Variants in PIK3AP1 observed in about 807,000 individuals in gnomAD.
PIK3AP1 encodes the protein phosphoinositide 3-kinase adapter protein 1.
Under a neutral mutation model 88.1 loss-of-function variants are expected in PIK3AP1, and 21 were observed. The observed-to-expected ratio is 0.24, with a 90% CI of 0.17 to 0.34. The LOEUF (loss-of-function observed/expected upper bound fraction) is 0.34. PIK3AP1 is among the 10% of genes least tolerant of loss of function. The pLI, the probability that PIK3AP1 is intolerant of heterozygous loss-of-function variation, is 1.00. For synonymous variants in PIK3AP1, 398 were observed against 400.0 expected, an observed-to-expected ratio of 1.00 and a Z score of 0.06; for missense variants, 828 against 1,035.7, an observed-to-expected ratio of 0.80 and a Z score of 2.75.
At chr10:96,635,961 A>C (rs1221635722) in intron 8 of PIK3AP1, among the ~76,000 whole-genome samples, 2 of 151,932 alleles carry the variant, frequency 1.3e-5, no homozygotes, top group Non-Finnish European at 2.9e-5. Context: ...TAATCCCAGC[A>C]CTTTGGGAGG....
chr10:96,693,655 C>T (rs1179022476), intron 2 of PIK3AP1, among the ~76,000 whole-genome samples: 1 of 152,208 alleles, frequency 6.6e-6, no homozygotes, highest in Non-Finnish European at 1.5e-5. Context: ...CAACTAAAGC[C>T]ACCAGATCTT....
At chr10:96,651,115 T>C in intron 6 of PIK3AP1, 133 bp downstream of exon 6, 1 of 1,199,762 alleles carries the variant, frequency 8.3e-7, no homozygotes, top group Non-Finnish European at 1.2e-6. Flanking sequence ...TGAGTCCTTA[T>C]CACAGGATAG....
At chr10:96,671,997 C>T (rs1843853525) in intron 2 of PIK3AP1, among the ~76,000 whole-genome samples, 1 of 152,064 alleles carries the variant, frequency 6.6e-6, no homozygotes, top group Non-Finnish European at 1.5e-5. Flanking sequence ...CATGATTGTG[C>T]CACTGCACTC....
At chr10:96,715,816 G>A (rs1844494394) in intron 1 of PIK3AP1, among the ~76,000 whole-genome samples, 1 of 151,744 alleles carries the variant, frequency 6.6e-6, no homozygotes, top group South Asian at 2.1e-4. Flanking sequence ...CATGAACCCG[G>A]GAGGCGGAGC....
intron 16 of PIK3AP1, among the ~76,000 whole-genome samples, chr10:96,598,045 T>TTG (rs1462879567): frequency 8.5e-3 from 98 of 11,510 alleles, no homozygotes; most frequent in African/African-American, 0.014. Context: ...TTTTTTGTTG[T>TTG]TTTTTTTTTT....
At chr10:96,663,613 G>A (rs1843722547) in intron 2 of PIK3AP1, among the ~76,000 whole-genome samples, 2 of 110,906 alleles carry the variant, frequency 1.8e-5, no homozygotes, top group South Asian at 6.5e-4. Flanking sequence ...CTGGGCAACA[G>A]AGTGAGACTC....
chr10:96,633,020 GAC>G, intron 8 of PIK3AP1: 6 of 1,612,366 alleles, frequency 3.7e-6, no homozygotes, highest in Non-Finnish European at 5.1e-6. Flanking sequence ...GATGCAAAGA[GAC>G]AAGATCCATA....
intron 2 of PIK3AP1, among the ~76,000 whole-genome samples, chr10:96,659,312 T>C (rs1843655305): frequency 6.6e-6 from 1 of 152,188 alleles, no homozygotes; most frequent in African/African-American, 2.4e-5. Flanking sequence ...CAGAATTTTT[T>C]AGATACTATT....
At chr10:96,706,453 T>C (rs900567481) in intron 2 of PIK3AP1, among the ~76,000 whole-genome samples, 1 of 149,976 alleles carries the variant, frequency 6.7e-6, no homozygotes, top group Non-Finnish European at 1.5e-5. Context: ...GTAGGGAGAG[T>C]ACTGTCTTTA....
At chr10:96,664,008 C>G (rs1843728859) in intron 2 of PIK3AP1, among the ~76,000 whole-genome samples, 1 of 152,186 alleles carries the variant, frequency 6.6e-6, no homozygotes, top group Non-Finnish European at 1.5e-5. Context: ...GAAGTACAAA[C>G]TGCACAATCT....
intron 8 of PIK3AP1, among the ~76,000 whole-genome samples, chr10:96,629,908 C>G (rs1210286433): frequency 2.6e-3 from 1 of 386 alleles, no homozygotes; most frequent in African/African-American, 3.3e-3. Context: ...ACAACAACAA[C>G]CAAAAAAAAA....
At chr10:96,711,591 TTAGGCAAGACC>T (rs1316281112) in intron 1 of PIK3AP1, among the ~76,000 whole-genome samples, 3 of 152,190 alleles carry the variant, frequency 2.0e-5, no homozygotes, top group Non-Finnish European at 4.4e-5. Flanking sequence ...GAGGCAGGAC[TTAGGCAAGACC>T]TAGAGGCTCT....
chr10:96,705,843 G>A (rs979953275), intron 2 of PIK3AP1, among the ~76,000 whole-genome samples: 14 of 145,322 alleles, frequency 9.6e-5, no homozygotes, highest in Admixed American at 2.1e-4. Context: ...GCCTCCCAAA[G>A]TGCTGGGATT....
chr10:96,720,097 G>T lies in PIK3AP1; in HGVS notation c.13+285C>A, dbSNP rs1004637604. On this transcript the variant is annotated intron_variant, in intron 1 of 16. Transcript: ENST00000339364. The surrounding 1 kb of genome is among the most constrained non-coding windows in gnomAD (Gnocchi z 4.6). The stretch of plus-strand genomic sequence containing the variant: ...GGAGGGACAGGGGAAGCGACGCTCA[G>T]ACACTCCTAGGGCCAGAGGTGGAGG... Among the ~76,000 whole-genome samples the T allele has an allele frequency of 1.3e-5, 2 of 152,178 alleles. No homozygotes were observed. Among genetic ancestry groups the T allele is most frequent in the African/African-American group, 2.4e-5 (1 of 41,452 alleles).
chr10:96,648,813 G>A lies in PIK3AP1; in HGVS notation c.1031C>T (p.Ala344Val), dbSNP rs776888722. The A allele has an allele frequency of 1.3e-5, 21 of 1,595,444 alleles. No homozygotes were observed. The highest frequency in any genetic ancestry group is 2.7e-5 in the African/African-American group (2 of 73,822). Residue 344 changes from alanine to valine, a missense_variant, in exon 7 of 17, where the codon GCG (alanine) becomes GTG (valine). Ala to Val is a moderately conservative substitution (Grantham distance 64, BLOSUM62 0). Coordinates refer to ENST00000339364, the MANE Select transcript of PIK3AP1 (RefSeq NM_152309.3). ...AGTGAGGTTCTTCAGTCCATACTTC[G>A]CAGCAAAATGCAACAGGGTGGGCAG... Reference protein sequence around the residue: ...EELPTLLHFAAKYGLKNLTAL... With the variant: ...EELPTLLHFAVKYGLKNLTAL...
chr10:96,615,395 G>A (rs1849198889), intron 13 of PIK3AP1, among the ~76,000 whole-genome samples: 1 of 152,176 alleles, frequency 6.6e-6, no homozygotes, highest in Admixed American at 6.5e-5. Flanking sequence ...AGGGGCAAGA[G>A]TGAACATGGG....
In PIK3AP1 at chr10:96,616,627, G is replaced by A; in HGVS notation, c.2014+12C>T. ...TGTCCCACACAATGCAGCACCCTAG[G>A]AAGCCACATACCTGTCTGCTTTCCT... On this transcript the variant is annotated intron_variant, in intron 13 of 16. Transcript: ENST00000339364. The A allele has an allele frequency of 6.2e-7, 1 of 1,613,402 alleles. No individual in the cohort carries two copies. Among genetic ancestry groups the A allele is most frequent in the South Asian group, 1.1e-5 (1 of 91,058 alleles).
chr10:96,658,175 GT>G (rs1564973711), intron 2 of PIK3AP1, among the ~76,000 whole-genome samples: 1 of 152,090 alleles, frequency 6.6e-6, no homozygotes, highest in Non-Finnish European at 1.5e-5. Context: ...AGCCAAATAT[GT>G]TAGGTACTTG....
rs146899745 is a variant in PIK3AP1 at position 96,674,743 on chromosome 10, A to C, written c.431-17809T>G. ...TTGTGCCTGGAGGCTTTTAGTGTGG[A>C]ATCTGGAGAGAAACAGGAAACTGTT... On this transcript the variant is annotated intron_variant, in intron 2 of 16. Coordinates refer to ENST00000339364, the MANE Select transcript of PIK3AP1 (RefSeq NM_152309.3). 3.7e-3 allele frequency among the ~76,000 whole-genome samples: 558 copies of C among 152,358 alleles called. 2 individuals are homozygous for C. The highest frequency in any genetic ancestry group is 0.017 in the Middle Eastern group (5 of 294).
Sources: gnomAD v4.1 joint callset for allele counts (sites outside exome capture counted in the v4.1 genomes callset) on GRCh38, gnomAD v4.1.1 for gene constraint, Gnocchi (gnomAD v3.1) non-coding constraint, MANE v1.5 for transcripts, NCBI Gene and HGNC (gene_info 2026-07-23, HGNC 2026-07-21) for gene names.